The following ALDH1L2 variants were observed in gnomAD, a reference collection of about 807,000 sequenced individuals.
ALDH1L2 encodes the protein mitochondrial 10-formyltetrahydrofolate dehydrogenase.
In ALDH1L2, 91 loss-of-function variants were observed where a neutral mutation model predicts 111.0. The observed-to-expected ratio is 0.82, with a 90% CI of 0.69 to 0.98. The LOEUF (loss-of-function observed/expected upper bound fraction) is 0.98. Among genes scored for constraint, ALDH1L2 ranks in the 50% least tolerant of loss-of-function variants. ALDH1L2 has a pLI of 0.00. For synonymous variants in ALDH1L2, 374 were observed against 392.6 expected, an observed-to-expected ratio of 0.95 and a Z score of 0.56; for missense variants, 995 against 1,126.8, an observed-to-expected ratio of 0.88 and a Z score of 1.67.
intron 16 of ALDH1L2, among the ~76,000 whole-genome samples, chr12:105,040,150 AAAC>A (rs1875446002): frequency 1.4e-5 from 2 of 142,342 alleles, no homozygotes; most frequent in South Asian, 2.2e-4. Flanking sequence ...AAAAAAAAAA[AAAC>A]CTTACTCAAA....
At chr12:105,065,117 G>T in intron 6 of ALDH1L2, 150 bp downstream of exon 6, 2 of 476,970 alleles carry the variant, frequency 4.2e-6, no homozygotes, top group Non-Finnish European at 3.9e-6. Context: ...CACAATAAAT[G>T]CTTAATACAT....
At chr12:105,038,271 C>T in intron 17 of ALDH1L2, 69 bp from the exon 18 acceptor site, 2 of 458,512 alleles carry the variant, frequency 4.4e-6, no homozygotes, top group Non-Finnish European at 7.4e-6. Flanking sequence ...CACACACACA[C>T]ACACACAAAC....
chr12:105,084,355 T>A, intron 1 of ALDH1L2, 34 bp downstream of exon 1: 1 of 1,484,702 alleles, frequency 6.7e-7, no homozygotes. Flanking sequence ...CAGGACAGGG[T>A]GACAGCCGGG....
chr12:105,034,231 T>C, intron 19 of ALDH1L2, 69 bp downstream of exon 19: 2 of 1,453,200 alleles, frequency 1.4e-6, no homozygotes, highest in Non-Finnish European at 1.9e-6. Context: ...TGAACAATCC[T>C]AGAAGTAGGA....
At chr12:105,027,427 T>A (rs1347883847) in intron 21 of ALDH1L2, among the ~76,000 whole-genome samples, 1 of 152,168 alleles carries the variant, frequency 6.6e-6, no homozygotes, top group Non-Finnish European at 1.5e-5. Flanking sequence ...ATTTTGCACA[T>A]AAGGTTCAAG....
chr12:105,046,250 T>TCC (rs1565957216), intron 15 of ALDH1L2, among the ~76,000 whole-genome samples: 1 of 78,892 alleles, frequency 1.3e-5, no homozygotes, highest in East Asian at 5.3e-4. Flanking sequence ...TTTTTTTTTT[T>TCC]TGTGAGACAG....
chr12:105,061,194 G>GA, intron 8 of ALDH1L2, 122 bp from the exon 9 acceptor site: 12 of 836,396 alleles, frequency 1.4e-5, no homozygotes, highest in Non-Finnish European at 2.3e-5. Flanking sequence ...ACATACAGCT[G>GA]GATCACATTT....
chr12:105,079,847 C>A (rs758438779), intron 1 of ALDH1L2, among the ~76,000 whole-genome samples: 1 of 152,260 alleles, frequency 6.6e-6, no homozygotes, highest in African/African-American at 2.4e-5. Flanking sequence ...ATTCTACAGA[C>A]CTTTCCTAGG....
At chr12:105,071,643 T>TATATATATATATATATA (rs55911058) in intron 2 of ALDH1L2, among the ~76,000 whole-genome samples, 70 of 13,828 alleles carry the variant, frequency 5.1e-3, no homozygotes, top group South Asian at 0.011. Flanking sequence ...TATATATATA[T>TATATATATATATATATA]TTTTTTTTTT....
chr12:105,032,967 T>A (rs1874789183), intron 19 of ALDH1L2, among the ~76,000 whole-genome samples: 2 of 152,224 alleles, frequency 1.3e-5, no homozygotes, highest in South Asian at 4.1e-4. Context: ...ATCACTGACA[T>A]GTATTTGTAA....
chr12:105,030,254 G>T, intron 21 of ALDH1L2, 70 bp downstream of exon 21: 2 of 1,171,694 alleles, frequency 1.7e-6, no homozygotes, highest in Non-Finnish European at 2.5e-6. Context: ...TGTGTATATA[G>T]CACAGTGGCA....
Position 105,020,572 on chromosome 12 carries a change from A to T in ALDH1L2, c.*3852T>A, listed in dbSNP as rs943678218. The T allele has an allele frequency of 2.0e-5, 3 of 152,256 alleles. No individual in the cohort carries two copies. The highest frequency in any genetic ancestry group is 7.2e-5 in the African/African-American group (3 of 41,464). 9.4% of individuals were successfully genotyped at this position (152,256 alleles called of 1,614,324 possible). ...ACTTACATTCTAATGGGAAAAGATC[A>T]TTGATTAATATACAACAGGTAGTGA... is the stretch of plus-strand genomic sequence containing the variant. On this transcript the variant is annotated 3_prime_UTR_variant, in exon 23 of 23. Coordinates refer to ENST00000258494, the MANE Select transcript of ALDH1L2 (RefSeq NM_001034173.4).
intron 2 of ALDH1L2, among the ~76,000 whole-genome samples, chr12:105,071,496 C>T (rs1471449981): frequency 6.6e-6 from 1 of 151,062 alleles, no homozygotes; most frequent in African/African-American, 2.4e-5. Flanking sequence ...TGGAATGGCC[C>T]ACCAAAGTGC....
intron 3 of ALDH1L2, among the ~76,000 whole-genome samples, chr12:105,070,270 A>G (rs1877600548): frequency 6.6e-6 from 1 of 152,220 alleles, no homozygotes; most frequent in African/African-American, 2.4e-5. Context: ...CTGTATGTCT[A>G]GATCTCAGGG....
At chr12:105,047,994 C>T (rs1261280257) in intron 13 of ALDH1L2, 4 of 152,156 alleles carry the variant, frequency 2.6e-5, no homozygotes, top group East Asian at 1.9e-4. Context: ...TGGCATCAAA[C>T]GAGTTTGAAC....
Position 105,046,565 on chromosome 12 carries a change from A to G in ALDH1L2, c.1863+145T>C, listed in dbSNP as rs187137043. 1.2e-5 allele frequency: 8 copies of G among 655,888 alleles called. No homozygotes were observed. The Admixed American group carries it at 2.1e-4, about 17-fold the overall frequency. 40.6% of individuals were successfully genotyped at this position (655,888 alleles called of 1,614,324 possible). A position where few individuals can be genotyped will look rare whatever the true frequency, so the allele number is the denominator to read the frequency against. Reference sequence around the variant, plus strand: ...AGGTAGCTATTAAAAATGAATATTTACTGACATGAAAAGTTGTCCATGATA... The same window carrying G: ...AGGTAGCTATTAAAAATGAATATTTGCTGACATGAAAAGTTGTCCATGATA... On this transcript the variant is annotated intron_variant, in intron 15 of 22. Transcript: ENST00000258494.
chr12:105,046,185 CTCTCTCTCTA>C (rs1452652080), intron 15 of ALDH1L2, among the ~76,000 whole-genome samples: 22 of 25,966 alleles, frequency 8.5e-4, no homozygotes, highest in African/African-American at 4.0e-3. Context: ...CTCTCTCTCT[CTCTCTCTCTA>C]TATATATATA....
chr12:105,027,811 C>T (rs1874490336), intron 21 of ALDH1L2, among the ~76,000 whole-genome samples: 2 of 152,104 alleles, frequency 1.3e-5, no homozygotes, highest in Admixed American at 6.5e-5. Flanking sequence ...AAAAGTTCCC[C>T]GAGGGCAGGG....
At position 105,061,686 on chromosome 12, in the gene ALDH1L2, C is replaced by A; in HGVS notation, c.988G>T (p.Gly330Cys). 6.2e-7 allele frequency: 1 copy of A among 1,614,092 alleles called. No individual in the cohort carries two copies. ...MIPASQYFSTGETSVVELTAE... is the reference protein window; with the variant it reads ...MIPASQYFSTCETSVVELTAE... ...GTCAGTTCTACCACTGACGTCTCAC[C>A]CGTTGAAAAGTACTGAGAGGCAGGG... The change falls in exon 8 of 23, where the codon GGT (glycine) becomes TGT (cysteine). Residue 330 changes from glycine to cysteine, a missense_variant. Coordinates refer to ENST00000258494, the MANE Select transcript of ALDH1L2 (RefSeq NM_001034173.4).
Sources: gnomAD v4.1 joint callset for allele counts (sites outside exome capture counted in the v4.1 genomes callset) on GRCh38, gnomAD v4.1.1 for gene constraint, MANE v1.5 for transcripts, NCBI Gene and HGNC (gene_info 2026-07-23, HGNC 2026-07-21) for gene names.